Variants in GLI3 observed in about 807,000 individuals in gnomAD.
GLI3 encodes the protein transcription activator GLI3.
GLI3 carries 20 observed loss-of-function variants against 100.8 expected under a neutral mutation model. The observed-to-expected ratio is 0.20, with a 90% CI of 0.14 to 0.29. The LOEUF (loss-of-function observed/expected upper bound fraction) is 0.29. GLI3 is among the 10% of genes least tolerant of loss of function. The pLI is 1.00. For missense variants in GLI3, 2,040 were observed against 2,128.5 expected (o/e 0.96, Z 0.82); for synonymous variants, 938 against 860.5 (o/e 1.09, Z -1.58).
At chr7:42,202,090 A>G (rs968909498) in intron 2 of GLI3, among the ~76,000 whole-genome samples, 25 of 151,820 alleles carry the variant, frequency 1.6e-4, no homozygotes, top group Non-Finnish European at 3.5e-4. Context: ...CAAAAAAAAA[A>G]AAAAAAAAAA....
In GLI3 at chr7:42,023,627, G is replaced by A; in HGVS notation, c.1357-19C>T. 6.3e-7 allele frequency: 1 copy of A among 1,593,812 alleles called. No individual in the cohort carries two copies. Among genetic ancestry groups the A allele is most frequent in the Non-Finnish European group, 8.6e-7 (1 of 1,161,646 alleles). On this transcript the variant is annotated intron_variant, in intron 9 of 14. Coordinates refer to ENST00000395925, the MANE Select transcript of GLI3 (RefSeq NM_000168.6). ...GCTGTTCCTGAAAGAAGAGGGTGGG[G>A]GGCAGGGAACAGAGAAGGGGGAAGA...
intron 4 of GLI3, among the ~76,000 whole-genome samples, chr7:42,075,502 G>T (rs1387341462): frequency 6.6e-6 from 1 of 152,164 alleles, no homozygotes; most frequent in Non-Finnish European, 1.5e-5. Flanking sequence ...CCTTCCCTTT[G>T]TATAGAGAAT....
intron 2 of GLI3, among the ~76,000 whole-genome samples, chr7:42,221,704 A>G (rs1476766436): frequency 6.6e-6 from 1 of 152,254 alleles, no homozygotes; most frequent in African/African-American, 2.4e-5. Flanking sequence ...TACTGATTCT[A>G]TTTCTGAAAT....
Position 42,175,664 on chromosome 7 carries a change from C to T in GLI3, c.125-27196G>A, listed in dbSNP as rs146889622. 3.0e-3 allele frequency among the ~76,000 whole-genome samples: 446 copies of T among 150,502 alleles called. 3 individuals are homozygous for T. The highest frequency in any genetic ancestry group is 0.016 in the East Asian group (82 of 5,128). ...AGTAGTCTCTCTTACAAAACTTTTG[C>T]GGCTGAAAGTGAGTTTTAAACAAAC... On this transcript the variant is annotated intron_variant, in intron 2 of 14. Coordinates refer to ENST00000395925, the MANE Select transcript of GLI3 (RefSeq NM_000168.6).
At chr7:42,079,647 G>A (rs933670675) in intron 3 of GLI3, among the ~76,000 whole-genome samples, 4 of 152,184 alleles carry the variant, frequency 2.6e-5, no homozygotes, top group Non-Finnish European at 4.4e-5. Context: ...TCAGGGCATC[G>A]CACATGCACC....
intron 10 of GLI3, among the ~76,000 whole-genome samples, chr7:42,019,676 T>C (rs544484746): frequency 3.3e-5 from 5 of 152,192 alleles, no homozygotes; most frequent in Non-Finnish European, 5.9e-5. Flanking sequence ...TCTGGTTAAT[T>C]TAAAATTGAA....
chr7:42,023,622 G>GT lies in GLI3; in HGVS notation c.1357-15dup. The GT allele has an allele frequency of 6.2e-7, 1 of 1,600,548 alleles. No homozygotes were observed. The highest frequency in any genetic ancestry group is 1.1e-5 in the South Asian group (1 of 90,806). On this transcript the variant is annotated splice_polypyrimidine_tract_variant and intron_variant, in intron 9 of 14. Coordinates refer to ENST00000395925, the MANE Select transcript of GLI3 (RefSeq NM_000168.6). Reference sequence around the variant, plus strand: ...TTCGGGCTGTTCCTGAAAGAAGAGGGTGGGGGGCAGGGAACAGAGAAGGGG... The same window carrying GT: ...TTCGGGCTGTTCCTGAAAGAAGAGGGTTGGGGGGCAGGGAACAGAGAAGGGG...
intron 2 of GLI3, among the ~76,000 whole-genome samples, chr7:42,187,896 A>G (rs1192702223): frequency 6.6e-6 from 1 of 151,292 alleles, no homozygotes; most frequent in Non-Finnish European, 1.5e-5. Flanking sequence ...CCATCTACTC[A>G]GGAAGCTGAG....
At chr7:42,240,823 GAAGGATACGCAAGAGAGAGAACA>G (rs1185496449), upstream of GLI3, among the ~76,000 whole-genome samples, 1 of 152,202 alleles carries the variant, frequency 6.6e-6, no homozygotes, top group East Asian at 1.9e-4. Flanking sequence ...GGAGAGGAAT[GAAGGATACGCAAGAGAGAGAACA>G]AAGGATGAAC....
intron 3 of GLI3, among the ~76,000 whole-genome samples, chr7:42,135,127 T>C (rs549152396): frequency 6.6e-6 from 1 of 152,304 alleles, no homozygotes; most frequent in Non-Finnish European, 1.5e-5. Flanking sequence ...CTTAATTGTT[T>C]CATGTGTTGT....
intron 3 of GLI3, among the ~76,000 whole-genome samples, chr7:42,077,159 C>T (rs536023058): frequency 1.3e-5 from 2 of 151,948 alleles, no homozygotes; most frequent in African/African-American, 2.4e-5. Context: ...GACAGGCTGA[C>T]CAGAGGAGAA....
intron 2 of GLI3, among the ~76,000 whole-genome samples, chr7:42,189,931 C>T (rs1298875958): frequency 6.6e-6 from 1 of 150,980 alleles, no homozygotes; most frequent in African/African-American, 2.4e-5. Flanking sequence ...CTATAATGAA[C>T]ATTCATGCCC....
chr7:42,126,519 A>T (rs1159392647), intron 3 of GLI3, among the ~76,000 whole-genome samples: 1 of 152,230 alleles, frequency 6.6e-6, no homozygotes, highest in Admixed American at 6.5e-5. Flanking sequence ...GATGATCAAG[A>T]CCTAGAGAAA....
intron 2 of GLI3, among the ~76,000 whole-genome samples, chr7:42,174,015 C>T (rs1263101819): frequency 1.3e-5 from 2 of 151,892 alleles, no homozygotes; most frequent in African/African-American, 4.8e-5. Context: ...GGCCAAAAGG[C>T]AAATGGAAAG....
intron 2 of GLI3, among the ~76,000 whole-genome samples, chr7:42,196,232 G>T (rs920444485): frequency 2.0e-5 from 3 of 152,118 alleles, no homozygotes; most frequent in African/African-American, 7.2e-5. Context: ...TCTCAATGCA[G>T]GTACATCGTA....
intron 2 of GLI3, chr7:42,152,538 A>C (rs1428670163): frequency 2.5e-6 from 1 of 406,968 alleles, no homozygotes; most frequent in Non-Finnish European, 3.3e-6. Flanking sequence ...AAATTTAACA[A>C]GCTCATTAGT....
At chr7:42,131,135 G>C (rs1786264820) in intron 3 of GLI3, among the ~76,000 whole-genome samples, 1 of 152,156 alleles carries the variant, frequency 6.6e-6, no homozygotes, top group Non-Finnish European at 1.5e-5. Context: ...TAAAATAAAG[G>C]AATAAATTAG....
chr7:42,053,081 G>A (rs1180382673), intron 4 of GLI3, among the ~76,000 whole-genome samples: 9 of 152,074 alleles, frequency 5.9e-5, no homozygotes, highest in Admixed American at 5.9e-4. Context: ...TGCAACCTCC[G>A]CCCTCCAGGG....
At chr7:42,258,016 G>A (rs980195792) in intron 1 of GLI3, among the ~76,000 whole-genome samples, 11 of 152,028 alleles carry the variant, frequency 7.2e-5, no homozygotes, top group African/African-American at 2.2e-4. Flanking sequence ...TTCTTTTCTC[G>A]TGATGTCCTT....
Sources: gnomAD v4.1 joint callset for allele counts (sites outside exome capture counted in the v4.1 genomes callset) on GRCh38, gnomAD v4.1.1 for gene constraint, MANE v1.5 for transcripts, NCBI Gene and HGNC (gene_info 2026-07-23, HGNC 2026-07-21) for gene names.